GLB1: variants seen among roughly 807,000 people sequenced by gnomAD.
GLB1 encodes the protein galactosidase beta 1.
GLB1 carries 56 observed loss-of-function variants against 74.0 expected under a neutral mutation model. That is an observed-to-expected ratio of 0.76 (90% confidence interval 0.61 to 0.94). GLB1 has a LOEUF of 0.94. GLB1 is among the 40% of genes least tolerant of loss of function. GLB1 has a pLI of 0.00. For synonymous variants in GLB1, 323 were observed against 323.6 expected (o/e 1.00, Z 0.02); for missense variants, 787 against 845.5 (o/e 0.93, Z 0.86).
the GLB1 span, among the ~76,000 whole-genome samples, chr3:32,972,363 C>T: frequency 5.3e-5 from 8 of 152,218 alleles, no homozygotes; most frequent in African/African-American, 1.7e-4. Context: ...GCCTAGAAAT[C>T]GATGATAATG....
intron 1 of GLB1, chr3:33,091,270 T>A: frequency 5.1e-6 from 5 of 985,482 alleles, no homozygotes; most frequent in Non-Finnish European, 6.0e-6. Flanking sequence ...ATACCGTGGC[T>A]GCCTGGGAAC....
Position 33,094,408 on chromosome 3 carries a change from G to A in GLB1, c.75+2603C>T, listed in dbSNP as rs574236320. On this transcript the variant is annotated intron_variant, in intron 1 of 15. Coordinates refer to ENST00000307363, the MANE Select transcript of GLB1 (RefSeq NM_000404.4). ...TCTGCCCAACCCACCTTGAATCCAA[G>A]CTACTCAAATACCAGTCAGTTGCTA... 6.5e-5 allele frequency: 84 copies of A among 1,299,706 alleles called. No individual in the cohort carries two copies. The South Asian group carries it at 2.2e-3, about 34-fold the overall frequency. 80.5% of individuals were successfully genotyped at this position (1,299,706 alleles called of 1,614,324 possible). A position where few individuals can be genotyped will look rare whatever the true frequency, so the allele number is the denominator to read the frequency against.
intron 1 of GLB1, among the ~76,000 whole-genome samples, chr3:33,094,797 A>ATT (rs1700934876): frequency 6.6e-6 from 1 of 152,258 alleles, no homozygotes. Flanking sequence ...AGAGATTTGC[A>ATT]GAAATGTAAA....
rs983039310 is a variant in GLB1 at position 33,034,812 on chromosome 3, A to G, written c.1069-10487T>C. The G allele has an allele frequency of 2.0e-5, 12 of 606,100 alleles. No homozygotes were observed. The African/African-American group carries it at 2.2e-4, about 11-fold the overall frequency. 37.5% of individuals were successfully genotyped at this position (606,100 alleles called of 1,614,324 possible). On this transcript the variant is annotated intron_variant, in intron 10 of 15. Transcript: ENST00000307363. ...GAGGGCCAGCATAACAAGCAGTGAC[A>G]AGACAGGCAGAGCCTCCCACCTGCC...
At chr3:33,028,025 T>G (rs1697842375) in intron 10 of GLB1, among the ~76,000 whole-genome samples, 1 of 152,010 alleles carries the variant, frequency 6.6e-6, no homozygotes, top group Admixed American at 6.6e-5. Context: ...CTCAGCCTCC[T>G]GAGTAGCTGG....
intron 12 of GLB1, 105 bp downstream of exon 12, chr3:33,021,461 G>T: frequency 8.2e-7 from 1 of 1,225,436 alleles, no homozygotes; most frequent in Non-Finnish European, 1.2e-6. Context: ...TGATGCATTT[G>T]CTTACCATTT....
intron 10 of GLB1, among the ~76,000 whole-genome samples, chr3:33,027,989 C>T (rs1259147825): frequency 1.3e-5 from 2 of 152,144 alleles, no homozygotes; most frequent in African/African-American, 4.8e-5. Context: ...CAGCCTCAAC[C>T]TCCTGAGTTC....
chr3:33,013,211 A>C (rs1439302640), intron 15 of GLB1, among the ~76,000 whole-genome samples: 1 of 152,134 alleles, frequency 6.6e-6, no homozygotes, highest in Non-Finnish European at 1.5e-5. Context: ...CTCATCCTTC[A>C]TATCTCTGAC....
chr3:33,062,439 A>G (rs1699480113), intron 5 of GLB1, among the ~76,000 whole-genome samples: 1 of 152,192 alleles, frequency 6.6e-6, no homozygotes, highest in African/African-American at 2.4e-5. Context: ...AAGTGCTGGG[A>G]TTACGGGCAT....
At chr3:33,089,951 A>G (rs1005160303) in intron 1 of GLB1, among the ~76,000 whole-genome samples, 5 of 152,212 alleles carry the variant, frequency 3.3e-5, no homozygotes. Flanking sequence ...CCACAATAAA[A>G]AATATAGTTG....
intron 6 of GLB1, among the ~76,000 whole-genome samples, chr3:33,057,071 C>G (rs983022078): frequency 6.6e-6 from 1 of 152,204 alleles, no homozygotes; most frequent in Non-Finnish European, 1.5e-5. Flanking sequence ...GCGACTGGAT[C>G]GTGGGGGCAA....
the GLB1 span, among the ~76,000 whole-genome samples, chr3:32,967,704 G>C: frequency 6.6e-6 from 1 of 152,164 alleles, no homozygotes; most frequent in African/African-American, 2.4e-5. Context: ...GCTCGCCCAT[G>C]AATGGAGACA....
At chr3:33,017,572 GA>G (rs1293831011) in intron 13 of GLB1, among the ~76,000 whole-genome samples, 1 of 152,198 alleles carries the variant, frequency 6.6e-6, no homozygotes, top group Non-Finnish European at 1.5e-5. Flanking sequence ...TCTTGGTGAA[GA>G]AAATCTTTTC....
At chr3:32,989,767 A>C in the GLB1 span, among the ~76,000 whole-genome samples, 6 of 152,218 alleles carry the variant, frequency 3.9e-5, no homozygotes, top group Admixed American at 2.6e-4. Context: ...ATTTGGAGGC[A>C]AGAGACTTGG....
chr3:33,081,015 A>C (rs564998000), intron 1 of GLB1, among the ~76,000 whole-genome samples: 1 of 152,342 alleles, frequency 6.6e-6, no homozygotes, highest in South Asian at 2.1e-4. Flanking sequence ...GAGGGGGAGC[A>C]GTCGGTATCT....
At chr3:32,974,954 CA>C in the GLB1 span, among the ~76,000 whole-genome samples, 1 of 152,190 alleles carries the variant, frequency 6.6e-6, no homozygotes, top group Non-Finnish European at 1.5e-5. Flanking sequence ...GTAACCTAGT[CA>C]AGTTGGCACA....
At position 33,097,055 on chromosome 3, in the gene GLB1, G is replaced by A. The variant is rs77988381; in HGVS notation, c.31C>T (p.Leu11=). The A allele has an allele frequency of 6.2e-7, 1 of 1,611,930 alleles. No homozygotes were observed. The highest frequency in any genetic ancestry group is 8.5e-7 in the Non-Finnish European group (1 of 1,178,660). Residue 11 remains leucine, a synonymous_variant, in exon 1 of 16, where the codon CTG becomes TTG. Coordinates refer to ENST00000307363, the MANE Select transcript of GLB1 (RefSeq NM_000404.4). ...CCCAGAAGCAGCAGAACCAGCAACAGAGGGAGGATGCGAACCAGGAACCCC... is the reference window on the plus strand; with the variant it reads ...CCCAGAAGCAGCAGAACCAGCAACAAAGGGAGGATGCGAACCAGGAACCCC... MPGFLVRILP[L]LLVLLLLGPT...
the GLB1 span, among the ~76,000 whole-genome samples, chr3:32,976,667 C>G: frequency 1.2e-4 from 19 of 152,326 alleles, no homozygotes; most frequent in East Asian, 3.9e-4. Context: ...TCTCCCTCCC[C>G]CTTAGCCCGT....
the GLB1 span, among the ~76,000 whole-genome samples, chr3:32,989,261 C>A: frequency 6.6e-6 from 1 of 152,128 alleles, no homozygotes; most frequent in Non-Finnish European, 1.5e-5. Flanking sequence ...GCCCGTTTCA[C>A]CTCAAGGAAG....
Sources: allele counts gnomAD v4.1 joint callset (sites outside exome capture counted in the v4.1 genomes callset), GRCh38; gene constraint gnomAD v4.1.1; transcripts MANE v1.5; gene names NCBI Gene and HGNC (gene_info 2026-07-23, HGNC 2026-07-21).